Variants in BET1 observed in about 807,000 individuals in gnomAD.
The protein encoded by BET1 is BET1 homolog.
A neutral mutation model predicts 13.9 loss-of-function variants in BET1; 9 were observed. That is an observed-to-expected ratio of 0.65 (90% CI 0.39 to 1.13). BET1 has a LOEUF of 1.13. Among genes scored for constraint, BET1 ranks in the 50% most tolerant of loss-of-function variants. BET1 has a pLI of 0.01. For synonymous variants in BET1, 39 were observed against 47.3 expected, an observed-to-expected ratio of 0.82 and a Z score of 0.72; for missense variants, 127 against 133.6, an observed-to-expected ratio of 0.95 and a Z score of 0.24.
chr7:94,001,754 T>C (rs1584150037), intron 1 of BET1, among the ~76,000 whole-genome samples: 1 of 152,264 alleles, frequency 6.6e-6, no homozygotes, highest in East Asian at 1.9e-4. Context: ...CTTCTTATTT[T>C]GTGTGGCTGA....
At chr7:93,999,734 G>A in intron 1 of BET1, 1 of 455,976 alleles carries the variant, frequency 2.2e-6, no homozygotes, top group Non-Finnish European at 4.4e-6. Flanking sequence ...AGCGGCGAGG[G>A]TTCTTTACTG....
chr7:93,994,853 T>C (rs1299273992), intron 3 of BET1, among the ~76,000 whole-genome samples: 1 of 145,534 alleles, frequency 6.9e-6, no homozygotes, highest in Admixed American at 6.8e-5. Context: ...TTTACTTATT[T>C]ATTTATTTAG....
In BET1 at chr7:93,982,580, C is replaced by A. The variant is rs189297614; in HGVS notation, c.236-6480G>T. Among the ~76,000 whole-genome samples, 7 of 152,260 alleles carry A rather than the reference C, an allele frequency of 4.6e-5. No individual in the cohort carries two copies. The East Asian group carries it at 1.2e-3, about 25-fold the overall frequency. ...CTGAAGGTATGGTTGGGAATTTATT[C>A]TCCACCTGGAATTCTCCGTGTCTTT... On this transcript the variant is annotated intron_variant and NMD_transcript_variant, in intron 4 of 6. Transcript: ENST00000357520.
At chr7:93,979,804 T>A (rs117014595) in intron 4 of BET1, among the ~76,000 whole-genome samples, 7,374 of 151,948 alleles carry the variant, frequency 0.049, 231 homozygotes, top group Non-Finnish European at 0.075. Context: ...GGAACTGGCT[T>A]CTGTCTCACT....
intron 4 of BET1, among the ~76,000 whole-genome samples, chr7:93,978,812 C>T (rs574838044): frequency 1.3e-5 from 2 of 152,270 alleles, no homozygotes; most frequent in South Asian, 4.1e-4. Flanking sequence ...GGAGTCCACA[C>T]ATTCATTCTG....
chr7:93,993,213 A>G, downstream of BET1: 2 of 982,422 alleles, frequency 2.0e-6, no homozygotes, highest in African/African-American at 3.5e-5. Context: ...CTCAGATTCT[A>G]CTGAGAATGT....
intron 2 of BET1, among the ~76,000 whole-genome samples, chr7:93,998,707 A>C (rs1795825380): frequency 6.6e-6 from 1 of 152,154 alleles, no homozygotes; most frequent in South Asian, 2.1e-4. Flanking sequence ...CTCAAAAAAA[A>C]AGAAAAGAAA....
chr7:93,979,299 G>A (rs959463048), intron 4 of BET1, among the ~76,000 whole-genome samples: 3 of 152,076 alleles, frequency 2.0e-5, no homozygotes, highest in African/African-American at 7.2e-5. Flanking sequence ...GCCTAGCTGT[G>A]CCACTGTTCA....
At chr7:94,003,044 G>T (rs1795945115) in intron 1 of BET1, among the ~76,000 whole-genome samples, 1 of 151,906 alleles carries the variant, frequency 6.6e-6, no homozygotes, top group Non-Finnish European at 1.5e-5. Flanking sequence ...GAAGCTTTGG[G>T]GATCACAAAC....
chr7:93,979,897 C>T (rs1017124377), intron 4 of BET1, among the ~76,000 whole-genome samples: 2 of 151,882 alleles, frequency 1.3e-5, no homozygotes, highest in African/African-American at 4.8e-5. Context: ...TTAGTGCAGC[C>T]CACATGCACT....
At position 93,993,934 on chromosome 7, in the gene BET1, T is replaced by C. The variant is rs1237221005; in HGVS notation, c.*296A>G. On this transcript the variant is annotated 3_prime_UTR_variant, in exon 4 of 4. Coordinates refer to ENST00000222547, the MANE Select transcript of BET1 (RefSeq NM_005868.6). ...ACCTGCATTTATGATTACAACAAAA[T>C]ATTATAATGCTATTTAATCTGACAG... 1.3e-6 allele frequency: 2 copies of C among 1,535,448 alleles called. No individual in the cohort carries two copies. The highest frequency in any genetic ancestry group is 1.7e-4 in the Middle Eastern group (1 of 5,986).
At chr7:93,981,199 G>C (rs1795422186) in intron 4 of BET1, among the ~76,000 whole-genome samples, 2 of 152,142 alleles carry the variant, frequency 1.3e-5, no homozygotes, top group South Asian at 2.1e-4. Flanking sequence ...GCTTTTCACA[G>C]TGACCAACTC....
At chr7:93,965,188 T>C (rs577059415) in exon 7 of BET1, 25 of 152,220 alleles carry the variant, frequency 1.6e-4, no homozygotes, top group African/African-American at 5.5e-4. Context: ...TGTTGATCCA[T>C]GTACTTTGAG....
At chr7:94,004,061 T>C (rs747047273) in intron 1 of BET1, 137 bp downstream of exon 1, 32 of 1,271,900 alleles carry the variant, frequency 2.5e-5, no homozygotes, top group Non-Finnish European at 3.5e-5. Flanking sequence ...CCACTCGACA[T>C]GGACCCCAAA....
At chr7:93,968,428 A>G (rs190785852) in intron 6 of BET1, 1 of 151,972 alleles carries the variant, frequency 6.6e-6, no homozygotes, top group East Asian at 1.9e-4. Flanking sequence ...ATTCTTAACA[A>G]TGTGCAGAAG....
intron 3 of BET1, among the ~76,000 whole-genome samples, chr7:93,995,673 C>T (rs1217445633): frequency 6.6e-6 from 1 of 152,078 alleles, no homozygotes; most frequent in Admixed American, 6.5e-5. Flanking sequence ...CTTTTGATGC[C>T]AAATTCATTT....
chr7:93,975,191 T>G (rs1458069637), intron 5 of BET1, among the ~76,000 whole-genome samples: 2 of 152,014 alleles, frequency 1.3e-5, no homozygotes, highest in African/African-American at 2.4e-5. Context: ...AAACATAACA[T>G]TAAAAGAAAA....
chr7:93,973,577 G>A (rs1218342939), intron 5 of BET1, among the ~76,000 whole-genome samples: 2 of 151,896 alleles, frequency 1.3e-5, no homozygotes, highest in African/African-American at 4.8e-5. Context: ...AAAAAAAAAT[G>A]TGTATGCATA....
At chr7:93,995,459 C>T (rs918123076) in intron 3 of BET1, among the ~76,000 whole-genome samples, 1 of 152,160 alleles carries the variant, frequency 6.6e-6, no homozygotes, top group African/African-American at 2.4e-5. Flanking sequence ...TATGGATCTT[C>T]ACCATGGTTA....
Sources: allele counts gnomAD v4.1 joint callset (sites outside exome capture counted in the v4.1 genomes callset), GRCh38; gene constraint gnomAD v4.1.1; transcripts MANE v1.5; gene names NCBI Gene and HGNC (gene_info 2026-07-23, HGNC 2026-07-21).